The following TNFRSF8 variants were observed in gnomAD, a reference collection of about 807,000 sequenced individuals.
TNFRSF8 encodes the protein TNF receptor superfamily member 8, also known as tumor necrosis factor receptor superfamily member 8.
TNFRSF8 carries 26 observed loss-of-function variants against 70.8 expected under a neutral mutation model. The observed-to-expected ratio is 0.37, with a 90% CI of 0.27 to 0.51. The LOEUF is 0.51. Ranked by LOEUF, TNFRSF8 falls within the 20% of genes least tolerant of loss-of-function variation. TNFRSF8 has a pLI of 0.94. For synonymous variants in TNFRSF8, 356 were observed against 339.2 expected, an observed-to-expected ratio of 1.05 and a Z score of -0.54; for missense variants, 720 against 807.9, an observed-to-expected ratio of 0.89 and a Z score of 1.32.
Position 12,084,451 on chromosome 1 carries a change from T to C in TNFRSF8, c.64-13T>C. ...GGATCCACCTGGCCTCACCAGCTTT[T>C]CTGACCTGCCAGGATCGACCCTTCG... is the stretch of plus-strand genomic sequence containing the variant. On this transcript the variant is annotated splice_polypyrimidine_tract_variant and intron_variant, in intron 1 of 14. Coordinates refer to ENST00000263932, the MANE Select transcript of TNFRSF8 (RefSeq NM_001243.5). 1 of 1,613,874 alleles carries C rather than the reference T, an allele frequency of 6.2e-7. No homozygotes were observed. Among genetic ancestry groups the C allele is most frequent in the Non-Finnish European group, 8.5e-7 (1 of 1,179,846 alleles).
rs1415462080 is a variant in TNFRSF8 at position 12,104,376 on chromosome 1, T to C, written c.269-3T>C. 1.2e-6 allele frequency: 2 copies of C among 1,614,136 alleles called. No individual in the cohort carries two copies. The highest frequency in any genetic ancestry group is 3.3e-5 in the Admixed American group (2 of 60,002). On this transcript the variant is annotated splice_polypyrimidine_tract_variant and splice_region_variant and intron_variant, in intron 3 of 14. Coordinates refer to ENST00000263932, the MANE Select transcript of TNFRSF8 (RefSeq NM_001243.5). ...CTCTGTGACCCCTGTCTGTGTCCCT[T>C]AGACGACCTCGTGGAGAAGACGCCG...
intron 1 of TNFRSF8, among the ~76,000 whole-genome samples, chr1:12,072,491 T>G (rs1261189115): frequency 1.3e-5 from 2 of 152,082 alleles, no homozygotes; most frequent in African/African-American, 4.8e-5. Flanking sequence ...GCACCACAGA[T>G]GGTGCCATTG....
intron 2 of TNFRSF8, among the ~76,000 whole-genome samples, chr1:12,096,636 C>T (rs1055121255): frequency 5.3e-5 from 8 of 152,108 alleles, no homozygotes; most frequent in African/African-American, 1.4e-4. Flanking sequence ...TGATGACAAC[C>T]GGTGCTCATA....
rs1641119266 is a variant in TNFRSF8 at position 12,084,522 on chromosome 1, T to C, written c.122T>C (p.Val41Ala). 1 of 1,613,452 alleles carries C rather than the reference T, an allele frequency of 6.2e-7. No homozygotes were observed. The highest frequency in any genetic ancestry group is 8.5e-7 in the Non-Finnish European group (1 of 1,179,746). ...GNPSHYYDKA[V>A]RRCCYRCPMG... Reference sequence around the variant, plus strand: ...CCCAGCCACTACTATGACAAGGCTGTCAGGAGGTGCTGTTACCGCTGCCCC... The same window carrying C: ...CCCAGCCACTACTATGACAAGGCTGCCAGGAGGTGCTGTTACCGCTGCCCC... The change falls in exon 2 of 15, where the codon GTC (valine) becomes GCC (alanine). Residue 41 changes from valine to alanine, a missense_variant. By Grantham distance (64) the Val-to-Ala change is moderately conservative. Transcript: ENST00000263932.
rs562225448 is a variant in TNFRSF8, at chr1:12,138,921, A to C, written c.1543+485A>C. 7.1e-6 allele frequency among the ~76,000 whole-genome samples: 1 copy of C among 140,502 alleles called. No homozygotes were observed. The highest frequency in any genetic ancestry group is 3.0e-4 in the East Asian group (1 of 3,380). 92.2% of individuals were successfully genotyped at this position (140,502 alleles called of 152,430 possible). ...CCATTGCATGGCTACTAAGTGGCAC[A>C]GCTGGAACTCGTCCCGCATCTGCTG... On this transcript the variant is annotated intron_variant, in intron 14 of 14. Transcript: ENST00000263932. The surrounding 1 kb of genome is among the most constrained non-coding windows in gnomAD (Gnocchi z 5.7).
chr1:12,135,654 C>G, intron 13 of TNFRSF8, 41 bp downstream of exon 13: 1 of 1,611,532 alleles, frequency 6.2e-7, no homozygotes, highest in East Asian at 2.2e-5. Context: ...CTTCGTGCCC[C>G]TAAATCTGAC....
chr1:12,095,402 C>T (rs2100983353), intron 2 of TNFRSF8, among the ~76,000 whole-genome samples: 1 of 152,138 alleles, frequency 6.6e-6, no homozygotes, highest in East Asian at 1.9e-4. Flanking sequence ...ATTCTCCTGC[C>T]TCAGCCTCCC....
intron 2 of TNFRSF8, among the ~76,000 whole-genome samples, chr1:12,090,461 C>CACCCACTCATCCATCCACGT (rs1261706220): frequency 4.6e-5 from 7 of 151,600 alleles, no homozygotes; most frequent in African/African-American, 1.5e-4. Flanking sequence ...TCCATCCACC[C>CACCCACTCATCCATCCACGT]ACCCACTCAT....
At chr1:12,080,331 GC>G in intron 1 of TNFRSF8, 1 of 523,902 alleles carries the variant, frequency 1.9e-6, no homozygotes, top group Admixed American at 1.9e-5. Flanking sequence ...TCTCCATCCG[GC>G]CGAATCAGGG....
chr1:12,095,318 G>A (rs1299144679), intron 2 of TNFRSF8, among the ~76,000 whole-genome samples: 3 of 145,554 alleles, frequency 2.1e-5, no homozygotes, highest in African/African-American at 7.7e-5. Context: ...ATGGAGTTTC[G>A]CTCCTGTTGC....
At chr1:12,091,521 T>G (rs948443933) in intron 2 of TNFRSF8, among the ~76,000 whole-genome samples, 1 of 151,982 alleles carries the variant, frequency 6.6e-6, no homozygotes, top group African/African-American at 2.4e-5. Context: ...CTGGGTGCTC[T>G]GAGAGGGTGA....
intron 2 of TNFRSF8, 50 bp from the exon 3 acceptor site, chr1:12,097,051 G>A: frequency 6.8e-7 from 1 of 1,471,048 alleles, no homozygotes; most frequent in Admixed American, 1.7e-5. Flanking sequence ...TGGGTCATAA[G>A]GCCTTTGCTA....
chr1:12,130,547 C>T (rs534634642), intron 12 of TNFRSF8, among the ~76,000 whole-genome samples: 1 of 152,360 alleles, frequency 6.6e-6, no homozygotes, highest in Admixed American at 6.5e-5. Flanking sequence ...CAAATTCCCC[C>T]CTTGGGCCTG....
chr1:12,140,074 T>A (rs1384548257), intron 14 of TNFRSF8, among the ~76,000 whole-genome samples: 1 of 152,256 alleles, frequency 6.6e-6, no homozygotes, highest in Admixed American at 6.5e-5. Context: ...AACTTCTGAG[T>A]CCACACTGAG....
chr1:12,101,079 C>A (rs1009576419), intron 3 of TNFRSF8, among the ~76,000 whole-genome samples: 1 of 152,076 alleles, frequency 6.6e-6, no homozygotes, highest in Non-Finnish European at 1.5e-5. Flanking sequence ...GAAGGACCTA[C>A]CTGAGGCTGT....
At chr1:12,087,619 C>T (rs950726827) in intron 2 of TNFRSF8, among the ~76,000 whole-genome samples, 1 of 152,194 alleles carries the variant, frequency 6.6e-6, no homozygotes, top group East Asian at 1.9e-4. Context: ...TCTCAGGGCC[C>T]GCTTGCTGTG....
At position 12,108,913 on chromosome 1, in the gene TNFRSF8, T is replaced by G. The variant is rs1641576237; in HGVS notation, c.422-653T>G. Among the ~76,000 whole-genome samples, 2 of 152,212 alleles carry G rather than the reference T, an allele frequency of 1.3e-5. No individual in the cohort carries two copies. Among genetic ancestry groups the G allele is most frequent in the South Asian group, 2.1e-4 (1 of 4,830 alleles). On this transcript the variant is annotated intron_variant, in intron 4 of 14. Transcript: ENST00000263932. The surrounding 1 kb of genome is among the most constrained non-coding windows in gnomAD (Gnocchi z 4.0). ...CTGGCTAGACGATGTGTGTGTTTTC[T>G]TCTCCACTCTGCTTCTGTCCAGCAT...
rs759223711 is a variant in TNFRSF8, at chr1:12,109,972, A to G, written c.513-69A>G. ...GGACCCCATCTCTGTGGAAACTGTT[A>G]CTCGTGAGCACAGGCCTCCCTTGCC... On this transcript the variant is annotated intron_variant, in intron 5 of 14. Coordinates refer to ENST00000263932, the MANE Select transcript of TNFRSF8 (RefSeq NM_001243.5). The surrounding 1 kb of genome is among the most constrained non-coding windows in gnomAD (Gnocchi z 4.4). The G allele has an allele frequency of 6.5e-6, 10 of 1,546,868 alleles. No individual in the cohort carries two copies. Among genetic ancestry groups the G allele is most frequent in the Non-Finnish European group, 8.8e-6 (10 of 1,139,836 alleles).
At chr1:12,137,878 C>T (rs139259931) in intron 13 of TNFRSF8, among the ~76,000 whole-genome samples, 14 of 152,136 alleles carry the variant, frequency 9.2e-5, no homozygotes, top group East Asian at 3.9e-4. Context: ...GCCAATTACT[C>T]GACTCCTCTG....
Sources: gnomAD v4.1 joint callset for allele counts (sites outside exome capture counted in the v4.1 genomes callset) on GRCh38, gnomAD v4.1.1 for gene constraint, Gnocchi (gnomAD v3.1) non-coding constraint, MANE v1.5 for transcripts, NCBI Gene and HGNC (gene_info 2026-07-23, HGNC 2026-07-21) for gene names.